CFAP20DC: variants seen among roughly 807,000 people sequenced by gnomAD.
CFAP20DC encodes the protein CFAP20 domain containing, also known as protein CFAP20DC.
A neutral mutation model predicts 101.7 loss-of-function variants in CFAP20DC; 84 were observed. That is an observed-to-expected ratio of 0.83 (90% CI 0.69 to 0.99). CFAP20DC has a LOEUF of 0.99. Ranked by LOEUF, CFAP20DC falls within the 50% of genes least tolerant of loss-of-function variation. CFAP20DC has a pLI of 0.00. For missense variants in CFAP20DC, 1,007 were observed against 970.3 expected (o/e 1.04, Z -0.50); for synonymous variants, 359 against 351.2 (o/e 1.02, Z -0.25).
At chr3:58,895,641 G>T (rs2106934356) in intron 6 of CFAP20DC, among the ~76,000 whole-genome samples, 1 of 152,114 alleles carries the variant, frequency 6.6e-6, no homozygotes, top group East Asian at 1.9e-4. Context: ...TTCCAAAGTT[G>T]TTTCTACATT....
intron 13 of CFAP20DC, among the ~76,000 whole-genome samples, chr3:58,842,822 C>G (rs377065793): frequency 3.3e-5 from 5 of 152,192 alleles, no homozygotes; most frequent in African/African-American, 9.6e-5. Context: ...ATCTGACAAC[C>G]GGCAGACTGC....
intron 4 of CFAP20DC, among the ~76,000 whole-genome samples, chr3:58,951,763 G>C (rs753002216): frequency 6.6e-5 from 10 of 152,020 alleles, no homozygotes; most frequent in South Asian, 2.1e-4. Flanking sequence ...GTTGTGGGGT[G>C]GGGGGAGAGG....
intron 5 of CFAP20DC, among the ~76,000 whole-genome samples, chr3:58,935,533 G>C (rs1311308393): frequency 2.0e-5 from 3 of 151,882 alleles, no homozygotes; most frequent in African/African-American, 7.3e-5. Flanking sequence ...ATACTACAAG[G>C]CTACAGTAAC....
intron 4 of CFAP20DC, among the ~76,000 whole-genome samples, chr3:58,997,836 G>A (rs114490016): frequency 7.9e-5 from 12 of 152,294 alleles, no homozygotes; most frequent in Non-Finnish European, 1.3e-4. Flanking sequence ...AGTAACTCTC[G>A]ATAGCAATGT....
At chr3:58,985,416 T>C (rs2092717856) in intron 4 of CFAP20DC, among the ~76,000 whole-genome samples, 1 of 152,310 alleles carries the variant, frequency 6.6e-6, no homozygotes, top group South Asian at 2.1e-4. Context: ...ATCTAGTTTT[T>C]TTTTCTCAGC....
In CFAP20DC at chr3:58,871,671, G is replaced by C. The variant is rs190647089; in HGVS notation, c.716-1362C>G. ...AGCCCCCTGAGTAGCTGGGACTAGA[G>C]GTACACGCCACCATGCCCAGCTAAG... is the stretch of plus-strand genomic sequence containing the variant. On this transcript the variant is annotated intron_variant, in intron 7 of 16. Transcript: ENST00000482387. 4.2e-3 allele frequency among the ~76,000 whole-genome samples: 645 copies of C among 151,848 alleles called. 1 individual carries two copies. Among genetic ancestry groups the C allele is most frequent in the Non-Finnish European group, 5.0e-3 (340 of 67,924 alleles).
intron 13 of CFAP20DC, among the ~76,000 whole-genome samples, chr3:58,839,193 G>T (rs184517149): frequency 2.0e-5 from 3 of 152,366 alleles, no homozygotes; most frequent in Admixed American, 2.0e-4. Context: ...AGTGGCAAGA[G>T]AAGTTGTCAC....
intron 4 of CFAP20DC, among the ~76,000 whole-genome samples, chr3:58,963,941 T>C (rs966735591): frequency 1.3e-5 from 2 of 152,234 alleles, no homozygotes; most frequent in East Asian, 1.9e-4. Context: ...GTTATAAGAC[T>C]GAAAGAACAG....
intron 4 of CFAP20DC, among the ~76,000 whole-genome samples, chr3:59,031,882 A>G (rs1376252456): frequency 6.6e-6 from 1 of 152,216 alleles, no homozygotes; most frequent in Non-Finnish European, 1.5e-5. Context: ...GTAGTATAAA[A>G]TCATCTTTCA....
chr3:58,795,887 T>A lies in CFAP20DC; in HGVS notation c.2237+10508A>T, dbSNP rs1309710885. Among the ~76,000 whole-genome samples the A allele has an allele frequency of 6.6e-6, 1 of 152,138 alleles. No homozygotes were observed. The highest frequency in any genetic ancestry group is 1.5e-5 in the Non-Finnish European group (1 of 68,036). Reference sequence around the variant, plus strand: ...GAAAACTAGGAAACTCAGGTGGAAGTCCCAGTGGCCCAAAAGAGACCTGGT... The same window carrying A: ...GAAAACTAGGAAACTCAGGTGGAAGACCCAGTGGCCCAAAAGAGACCTGGT... On this transcript the variant is annotated intron_variant, in intron 15 of 16. Coordinates refer to ENST00000482387, the MANE Select transcript of CFAP20DC (RefSeq NM_001394063.1). The surrounding 1 kb of genome is among the most constrained non-coding windows in gnomAD (Gnocchi z 4.2).
chr3:58,765,532 TG>T (rs1319405261), intron 15 of CFAP20DC, among the ~76,000 whole-genome samples: 3 of 147,472 alleles, frequency 2.0e-5, no homozygotes, highest in Non-Finnish European at 4.5e-5. Flanking sequence ...AAACATGAGC[TG>T]TACCCATCCA....
chr3:58,834,978 T>C (rs2076640145), intron 13 of CFAP20DC, among the ~76,000 whole-genome samples: 1 of 152,144 alleles, frequency 6.6e-6, no homozygotes, highest in South Asian at 2.1e-4. Flanking sequence ...TGAATCTGAA[T>C]GGGTTGTCTT....
chr3:58,909,691 A>G (rs1216368187), intron 6 of CFAP20DC, among the ~76,000 whole-genome samples: 3 of 151,990 alleles, frequency 2.0e-5, no homozygotes, highest in Non-Finnish European at 4.4e-5. Flanking sequence ...TTCTTTTCTT[A>G]AAGACTTAAC....
chr3:59,042,212 G>C (rs1699453942), intron 3 of CFAP20DC, among the ~76,000 whole-genome samples: 2 of 152,020 alleles, frequency 1.3e-5, no homozygotes, highest in Admixed American at 1.3e-4. Context: ...TCCTATGATG[G>C]AAAAGGATGG....
intron 15 of CFAP20DC, among the ~76,000 whole-genome samples, chr3:58,771,025 G>A (rs1416437636): frequency 6.6e-6 from 1 of 152,118 alleles, no homozygotes. Flanking sequence ...TGATAGACTG[G>A]ATTAAGAAAA....
chr3:58,939,754 G>A (rs1267551693), intron 4 of CFAP20DC, among the ~76,000 whole-genome samples: 9 of 144,542 alleles, frequency 6.2e-5, no homozygotes, highest in Admixed American at 1.4e-4. Flanking sequence ...CACCGTGCCC[G>A]GCCCATTTTT....
intron 3 of CFAP20DC, among the ~76,000 whole-genome samples, chr3:59,040,571 C>A (rs190560351): frequency 2.0e-5 from 3 of 152,024 alleles, no homozygotes; most frequent in East Asian, 3.9e-4. Flanking sequence ...GCCAATAGTA[C>A]AGACCAACAC....
At position 58,874,457 on chromosome 3, in the gene CFAP20DC, G is replaced by C. The variant is rs1002946276; in HGVS notation, c.716-4148C>G. Among the ~76,000 whole-genome samples, 1 of 152,070 alleles carries C rather than the reference G, an allele frequency of 6.6e-6. No individual in the cohort carries two copies. The highest frequency in any genetic ancestry group is 1.5e-5 in the Non-Finnish European group (1 of 68,022). ...CTTAAAGTTCTTCAGTGGCTTCTCT[G>C]CTGCTCTCAGGAGTAAGATGAAGGC... is the stretch of plus-strand genomic sequence containing the variant. On this transcript the variant is annotated intron_variant, in intron 7 of 16. Coordinates refer to ENST00000482387, the MANE Select transcript of CFAP20DC (RefSeq NM_001394063.1). This position sits in a 1 kb window ranked among gnomAD's most constrained non-coding sequence, Gnocchi z 5.1.
intron 4 of CFAP20DC, among the ~76,000 whole-genome samples, chr3:59,004,976 T>G (rs1415136711): frequency 6.6e-6 from 1 of 152,178 alleles, no homozygotes; most frequent in Non-Finnish European, 1.5e-5. Flanking sequence ...TAGCCCTGAT[T>G]TTTTACCCCT....
Sources: gnomAD v4.1 joint callset for allele counts (sites outside exome capture counted in the v4.1 genomes callset) on GRCh38, gnomAD v4.1.1 for gene constraint, Gnocchi (gnomAD v3.1) non-coding constraint, MANE v1.5 for transcripts, NCBI Gene and HGNC (gene_info 2026-07-23, HGNC 2026-07-21) for gene names.